RANBP2: variants seen among roughly 807,000 people sequenced by gnomAD.
The protein encoded by RANBP2 is E3 SUMO-protein ligase RanBP2.
In RANBP2, 57 loss-of-function variants were observed where a neutral mutation model predicts 303.6. That is an observed-to-expected ratio of 0.19 (90% CI 0.15 to 0.23). RANBP2 has a LOEUF of 0.23. RANBP2 is among the 10% of genes least tolerant of loss of function. The probability of loss-of-function intolerance (pLI) is 1.00; values close to 1 mark genes in which losing one functional copy is unlikely to be tolerated. For missense variants in RANBP2, 3,138 were observed against 3,780.8 expected (o/e 0.83, Z 4.46); for synonymous variants, 1,167 against 1,301.5 (o/e 0.90, Z 2.23).
chr2:109,327,913 C>A, the RANBP2 span, among the ~76,000 whole-genome samples: 1 of 152,122 alleles, frequency 6.6e-6, no homozygotes, highest in Non-Finnish European at 1.5e-5. Context: ...ATTATGGATA[C>A]CTTCAAACAT....
chr2:108,760,419 C>T (rs1377928533), intron 18 of RANBP2, among the ~76,000 whole-genome samples: 4 of 152,140 alleles, frequency 2.6e-5, no homozygotes. Context: ...TATCCCATCA[C>T]ATGGAAGTAC....
the RANBP2 span, among the ~76,000 whole-genome samples, chr2:109,214,493 G>T: frequency 6.6e-6 from 1 of 151,838 alleles, no homozygotes; most frequent in African/African-American, 2.4e-5. Flanking sequence ...AAAAGGAGTG[G>T]AGCCCAAGCC....
rs757637271 is a variant in RANBP2 at position 108,753,456 on chromosome 2, G to T, written c.1948G>T (p.Ala650Ser). 3.1e-6 allele frequency: 5 copies of T among 1,611,800 alleles called. No individual in the cohort carries two copies. Among genetic ancestry groups the T allele is most frequent in the African/African-American group, 1.3e-5 (1 of 74,952 alleles). Residue 650 changes from alanine to serine, a missense_variant, in exon 14 of 29, where the codon GCA becomes TCA. By Grantham distance (99) the Ala-to-Ser change is moderately conservative. Transcript: ENST00000283195. ...AGAAATTGTTGAATATGAAGAAGAC[G>T]CACACATAACTTTTGCTATATTGGA... is the stretch of plus-strand genomic sequence containing the variant. ...ASEIVEYEED[A>S]HITFAILDAV... is the part of the protein sequence containing the mutation.
At chr2:109,082,746 T>C in the RANBP2 span, among the ~76,000 whole-genome samples, 1 of 152,050 alleles carries the variant, frequency 6.6e-6, no homozygotes, top group Admixed American at 6.6e-5. Context: ...GGTTGGGAGT[T>C]GGAGGCTGCA....
the RANBP2 span, among the ~76,000 whole-genome samples, chr2:109,292,658 G>A: frequency 1.1e-3 from 167 of 152,164 alleles, no homozygotes; most frequent in Non-Finnish European, 2.0e-3. Flanking sequence ...GCCTAGAAAA[G>A]CGTCTTTTTG....
chr2:109,774,653 T>C, the RANBP2 span, among the ~76,000 whole-genome samples: 1 of 61,734 alleles, frequency 1.6e-5, no homozygotes, highest in African/African-American at 9.5e-5. Flanking sequence ...ATGAATAGTA[T>C]ATTGTGTTCA....
chr2:108,902,099 A>G, the RANBP2 span, among the ~76,000 whole-genome samples: 1 of 152,078 alleles, frequency 6.6e-6, no homozygotes, highest in Non-Finnish European at 1.5e-5. Flanking sequence ...TTAGCTGGGC[A>G]TGGTGGCATG....
At chr2:109,723,470 G>C in the RANBP2 span, among the ~76,000 whole-genome samples, 3 of 152,154 alleles carry the variant, frequency 2.0e-5, no homozygotes, top group African/African-American at 7.2e-5. Flanking sequence ...ATTCTGACTG[G>C]AATAAGATGG....
At chr2:109,635,650 C>T in the RANBP2 span, among the ~76,000 whole-genome samples, 13 of 152,302 alleles carry the variant, frequency 8.5e-5, no homozygotes, top group South Asian at 4.1e-4. Flanking sequence ...GACCCTACCT[C>T]GTCTCAGATG....
At chr2:109,439,190 A>G in the RANBP2 span, among the ~76,000 whole-genome samples, 6 of 152,298 alleles carry the variant, frequency 3.9e-5, no homozygotes, top group Middle Eastern at 3.4e-3. Context: ...TCAGTCCTCC[A>G]TCACCATAGT....
the RANBP2 span, among the ~76,000 whole-genome samples, chr2:109,144,257 A>G: frequency 6.6e-6 from 1 of 152,230 alleles, no homozygotes; most frequent in Non-Finnish European, 1.5e-5. Flanking sequence ...TGGAATGTAT[A>G]TGTATATCAA....
chr2:108,772,644 C>T (rs1011074440), intron 22 of RANBP2, 63 bp downstream of exon 22: 3 of 1,461,372 alleles, frequency 2.1e-6, no homozygotes, highest in Non-Finnish European at 2.8e-6. Flanking sequence ...GAAGGAATAA[C>T]CTAGTCTGAT....
At chr2:109,589,475 A>AGCCAAGATCCTGCCACTGT in the RANBP2 span, among the ~76,000 whole-genome samples, 1 of 152,150 alleles carries the variant, frequency 6.6e-6, no homozygotes, top group Non-Finnish European at 1.5e-5. Flanking sequence ...AGTTGCAGTG[A>AGCCAAGATCCTGCCACTGT]GCCAAGATCC....
At chr2:109,019,472 T>C in the RANBP2 span, among the ~76,000 whole-genome samples, 2 of 152,182 alleles carry the variant, frequency 1.3e-5, no homozygotes, top group Admixed American at 6.5e-5. Context: ...ACATTGCTGG[T>C]CTTAGGAAGG....
chr2:108,747,589 T>G (rs1381485047), intron 8 of RANBP2, among the ~76,000 whole-genome samples: 4 of 152,222 alleles, frequency 2.6e-5, no homozygotes, highest in African/African-American at 4.8e-5. Context: ...TTTCCTTTTC[T>G]CTTTTCCTTC....
the RANBP2 span, among the ~76,000 whole-genome samples, chr2:109,018,557 GCGCTGAC>G: frequency 2.0e-5 from 3 of 152,194 alleles, no homozygotes; most frequent in Admixed American, 6.5e-5. Context: ...CATGCAGTGT[GCGCTGAC>G]CCCTGCTCTC....
chr2:109,606,651 AAT>A, the RANBP2 span, among the ~76,000 whole-genome samples: 1 of 150,760 alleles, frequency 6.6e-6, no homozygotes, highest in Non-Finnish European at 1.5e-5. Context: ...TTAAAAAAAA[AAT>A]TGCACTAAAA....
the RANBP2 span, among the ~76,000 whole-genome samples, chr2:108,861,655 A>G: frequency 6.6e-6 from 1 of 151,806 alleles, no homozygotes; most frequent in Non-Finnish European, 1.5e-5. Flanking sequence ...TAATTTTTGC[A>G]TTTTTAGTAG....
At chr2:108,781,496 G>C (rs570492914) in intron 26 of RANBP2, 67 bp downstream of exon 26, 79 of 1,445,360 alleles carry the variant, frequency 5.5e-5, no homozygotes, top group Non-Finnish European at 7.3e-5. Context: ...ACCCTGGCTT[G>C]ATCTGTCAGG....
Sources: allele counts gnomAD v4.1 joint callset (sites outside exome capture counted in the v4.1 genomes callset), GRCh38; gene constraint gnomAD v4.1.1; transcripts MANE v1.5; gene names NCBI Gene and HGNC (gene_info 2026-07-23, HGNC 2026-07-21).